The following WDFY3 variants were observed in gnomAD, a reference collection of about 807,000 sequenced individuals.
WDFY3 encodes WD repeat and FYVE domain-containing protein 3.
Under a neutral mutation model 409.6 loss-of-function variants are expected in WDFY3, and 66 were observed. The ratio of observed to expected loss-of-function variants is 0.16; its 90% CI spans 0.13 to 0.20. The LOEUF (loss-of-function observed/expected upper bound fraction) is 0.20, where lower values mean the gene tolerates loss of function less well. Among genes scored for constraint, WDFY3 ranks in the 10% least tolerant of loss-of-function variants. WDFY3 has a pLI of 1.00. For missense variants in WDFY3, 3,031 were observed against 4,298.1 expected (o/e 0.71, Z 8.24); for synonymous variants, 1,521 against 1,537.1 (o/e 0.99, Z 0.25).
chr4:84,726,978 A>G, intron 44 of WDFY3, 67 bp from the exon 45 acceptor site: 2 of 1,432,534 alleles, frequency 1.4e-6, no homozygotes, highest in Non-Finnish European at 1.9e-6. Context: ...CAAAAATAAA[A>G]TTTTTCTTGA....
At chr4:84,923,618 G>T (rs543971563) in intron 2 of WDFY3, among the ~76,000 whole-genome samples, 1 of 152,184 alleles carries the variant, frequency 6.6e-6, no homozygotes. Flanking sequence ...TACAGGGGAA[G>T]AGATTCTTAA....
At chr4:84,876,215 T>G (rs1025345798) in intron 3 of WDFY3, among the ~76,000 whole-genome samples, 2 of 152,224 alleles carry the variant, frequency 1.3e-5, no homozygotes, top group African/African-American at 2.4e-5. Flanking sequence ...CCCAGCCTCA[T>G]TATAGTCTCT....
In WDFY3 at chr4:84,684,103, C is replaced by A; in HGVS notation, c.9566G>T (p.Gly3189Val). ...GATGCTCCACACATGGATATATGTG[C>A]CAGCGCAGGACACAATGTCCCCCTG... Reference protein sequence around the residue: ...ELTGDIVSCAGTYIHVWSING... With the variant: ...ELTGDIVSCAVTYIHVWSING... Residue 3189 changes from glycine to valine, a missense_variant, in exon 63 of 68, where the codon GGC becomes GTC. Around this residue, in one of 16 missense-constraint regions of WDFY3, gnomAD observed 378 missense variants for 477.3 expected, o/e 0.79. Transcript: ENST00000295888. The A allele has an allele frequency of 6.3e-7, 1 of 1,599,682 alleles. No homozygotes were observed. The highest frequency in any genetic ancestry group is 8.6e-7 in the Non-Finnish European group (1 of 1,168,460).
chr4:84,675,114 C>T (rs1403400710), intron 67 of WDFY3, among the ~76,000 whole-genome samples: 2 of 151,892 alleles, frequency 1.3e-5, no homozygotes, highest in Non-Finnish European at 2.9e-5. Context: ...CACCACCACA[C>T]CTGGCTAATT....
At chr4:84,873,780 T>TATTG (rs1553999449) in intron 3 of WDFY3, among the ~76,000 whole-genome samples, 2 of 151,110 alleles carry the variant, frequency 1.3e-5, no homozygotes, top group South Asian at 2.1e-4. Context: ...TGTGTTTTTT[T>TATTG]TTTGTTTGTT....
chr4:84,782,444 T>C (rs181050947), intron 25 of WDFY3, among the ~76,000 whole-genome samples: 1 of 152,094 alleles, frequency 6.6e-6, no homozygotes, highest in Non-Finnish European at 1.5e-5. Context: ...TAGGTAAACA[T>C]GTGCCATGGT....
chr4:84,903,900 C>T (rs146243057), intron 2 of WDFY3, among the ~76,000 whole-genome samples: 1,655 of 152,132 alleles, frequency 0.011, 10 homozygotes, highest in Non-Finnish European at 0.019. Flanking sequence ...TGTCTCTCTC[C>T]GTCCATCCAT....
chr4:84,730,013 T>C (rs1026382649), intron 44 of WDFY3, among the ~76,000 whole-genome samples: 10 of 152,156 alleles, frequency 6.6e-5, no homozygotes, highest in Non-Finnish European at 1.5e-4. Context: ...AAAGAACTGA[T>C]TGATCTCTAA....
chr4:84,931,226 A>C (rs553518730), intron 2 of WDFY3, among the ~76,000 whole-genome samples: 61 of 152,186 alleles, frequency 4.0e-4, no homozygotes, highest in Non-Finnish European at 7.8e-4. Context: ...AGTTATCCAC[A>C]TTTCAGTAGG....
In WDFY3 at chr4:84,897,856, T is replaced by G. The variant is rs544821980; in HGVS notation, c.-131-846A>C. On this transcript the variant is annotated intron_variant, in intron 2 of 67. Transcript: ENST00000295888. ...ACAGGATCAAATATTGAAAATCGCC[T>G]TTAAATCTTCCTGAATTACAAAGAA... Among the ~76,000 whole-genome samples the G allele has an allele frequency of 2.6e-5, 4 of 152,342 alleles. No homozygotes were observed. The East Asian group carries it at 5.8e-4, about 22-fold the overall frequency.
At chr4:84,769,662 T>A (rs946396260) in intron 30 of WDFY3, among the ~76,000 whole-genome samples, 1 of 152,124 alleles carries the variant, frequency 6.6e-6, no homozygotes, top group African/African-American at 2.4e-5. Context: ...GACCTCGTGA[T>A]CCACCCGCCT....
chr4:84,763,110 A>T (rs1345715185), intron 32 of WDFY3, among the ~76,000 whole-genome samples: 1 of 152,170 alleles, frequency 6.6e-6, no homozygotes, highest in South Asian at 2.1e-4. Flanking sequence ...ATTTTCCCCT[A>T]TAATTAATCT....
chr4:84,890,277 T>C (rs1438787105), intron 3 of WDFY3, among the ~76,000 whole-genome samples: 2 of 152,134 alleles, frequency 1.3e-5, no homozygotes, highest in African/African-American at 4.8e-5. Flanking sequence ...TTTTTGTATT[T>C]TTTGTAGAGA....
intron 1 of WDFY3, chr4:84,965,935 C>G (rs576561265): frequency 6.6e-6 from 1 of 152,348 alleles, no homozygotes; most frequent in Non-Finnish European, 1.5e-5. Flanking sequence ...CCCGTGACCC[C>G]GACCCCGACC....
At chr4:84,888,463 T>C (rs1440436878) in intron 3 of WDFY3, among the ~76,000 whole-genome samples, 1 of 152,172 alleles carries the variant, frequency 6.6e-6, no homozygotes, top group African/African-American at 2.4e-5. Flanking sequence ...AGAAAAAAAC[T>C]CCAATATCAA....
At chr4:84,690,469 C>T in intron 61 of WDFY3, 37 bp downstream of exon 61, 1 of 1,613,912 alleles carries the variant, frequency 6.2e-7, no homozygotes, top group Non-Finnish European at 8.5e-7. Context: ...AGGAGATGGA[C>T]TATGTCCTTC....
At chr4:84,695,513 G>GAC (rs1163367289) in intron 58 of WDFY3, among the ~76,000 whole-genome samples, 1 of 111,282 alleles carries the variant, frequency 9.0e-6, no homozygotes, top group African/African-American at 4.0e-5. Context: ...GAGAGATAGA[G>GAC]AGAGAGAGAG....
chr4:84,932,817 T>G (rs1252518200), intron 1 of WDFY3, among the ~76,000 whole-genome samples: 1 of 152,216 alleles, frequency 6.6e-6, no homozygotes. Flanking sequence ...TAGAGCTGAA[T>G]TGATTTGTTC....
At chr4:84,700,794 T>C (rs532326607) in intron 56 of WDFY3, among the ~76,000 whole-genome samples, 62 of 152,324 alleles carry the variant, frequency 4.1e-4, no homozygotes, top group South Asian at 8.3e-4. Flanking sequence ...AGTTGAATTA[T>C]AAGTGAACAT....
Sources: gnomAD v4.1 joint callset for allele counts (sites outside exome capture counted in the v4.1 genomes callset) on GRCh38, gnomAD v4.1.1 for gene constraint, gnomAD v4.1.1 regional missense constraint, MANE v1.5 for transcripts, NCBI Gene and HGNC (gene_info 2026-07-23, HGNC 2026-07-21) for gene names.